Variants in PDE4B observed in about 807,000 individuals in gnomAD.
PDE4B encodes 3',5'-cyclic-AMP phosphodiesterase 4B.
Under a neutral mutation model 82.2 loss-of-function variants are expected in PDE4B, and 20 were observed. The observed-to-expected ratio is 0.24, with a 90% CI of 0.17 to 0.35. The LOEUF (loss-of-function observed/expected upper bound fraction) is 0.35, where lower values mean the gene tolerates loss of function less well. PDE4B is among the 10% of genes least tolerant of loss of function. The pLI is 1.00. For missense variants in PDE4B, 655 were observed against 907.2 expected (o/e 0.72, Z 3.57); for synonymous variants, 320 against 318.9 (o/e 1.00, Z -0.04).
chr1:66,150,507 C>A (rs996461334), intron 3 of PDE4B, among the ~76,000 whole-genome samples: 1 of 152,166 alleles, frequency 6.6e-6, no homozygotes, highest in Non-Finnish European at 1.5e-5. Flanking sequence ...CTCTTCCTTT[C>A]CAACGATAAT....
intron 3 of PDE4B, among the ~76,000 whole-genome samples, chr1:66,017,605 T>C (rs1210012182): frequency 6.6e-6 from 1 of 152,202 alleles, no homozygotes; most frequent in Non-Finnish European, 1.5e-5. Context: ...AGCAAAATGT[T>C]TCCCACATGT....
chr1:66,327,038 T>G (rs1659794667), intron 7 of PDE4B, among the ~76,000 whole-genome samples: 1 of 152,174 alleles, frequency 6.6e-6, no homozygotes, highest in Non-Finnish European at 1.5e-5. Context: ...GGCCACTGAT[T>G]TCATAACTGC....
At chr1:66,352,728 A>G (rs1389580483) in intron 8 of PDE4B, among the ~76,000 whole-genome samples, 2 of 151,458 alleles carry the variant, frequency 1.3e-5, no homozygotes, top group Non-Finnish European at 2.9e-5. Context: ...TTTTTTTTTC[A>G]CTGCTATATC....
chr1:66,076,377 A>G (rs1656438767), intron 3 of PDE4B, among the ~76,000 whole-genome samples: 1 of 152,178 alleles, frequency 6.6e-6, no homozygotes, highest in African/African-American at 2.4e-5. Context: ...TGATGGCTGC[A>G]TAATTTTCCA....
rs190064199 is a variant in PDE4B at position 66,109,712 on chromosome 1, G to A, written c.282-137748G>A. Among the ~76,000 whole-genome samples, 270 of 151,626 alleles carry A rather than the reference G, an allele frequency of 1.8e-3. 3 individuals are homozygous for A. Among genetic ancestry groups the A allele is most frequent in the East Asian group, 0.01 (54 of 5,172 alleles). Reference sequence around the variant, plus strand: ...ACCTTTTAAATATTATTTTATTTTAGATTTAGGGGATACATGTATATGTTT... The same window carrying A: ...ACCTTTTAAATATTATTTTATTTTAAATTTAGGGGATACATGTATATGTTT... On this transcript the variant is annotated intron_variant, in intron 3 of 16. Transcript: ENST00000341517.
At chr1:66,299,632 C>T (rs1335086592) in intron 7 of PDE4B, among the ~76,000 whole-genome samples, 3 of 152,162 alleles carry the variant, frequency 2.0e-5, no homozygotes, top group African/African-American at 4.8e-5. Context: ...GTTGCAAAAC[C>T]TCCATACCGT....
intron 7 of PDE4B, among the ~76,000 whole-genome samples, chr1:66,273,846 A>G (rs899897657): frequency 6.6e-6 from 1 of 152,248 alleles, no homozygotes; most frequent in Non-Finnish European, 1.5e-5. Context: ...GCTTACTGAA[A>G]TATCTGCTAG....
intron 7 of PDE4B, among the ~76,000 whole-genome samples, chr1:66,294,634 G>GT (rs1193846366): frequency 1.3e-5 from 2 of 151,918 alleles, no homozygotes; most frequent in Non-Finnish European, 2.9e-5. Context: ...TAAATCTTAA[G>GT]TTTTTTTCTT....
rs367782903 is a variant in PDE4B, at chr1:65,918,833, G to T, written c.279G>T (p.Glu93Asp). Residue 93 changes from glutamate (E) to aspartate (D), a missense_variant and splice_region_variant, in exon 3 of 17, where the codon GAG (glutamate) becomes GAT (aspartate). Transcript: ENST00000341517. ...TTGCTATTACAACTGTAAGCCAGGA[G>T]TGGTGAGTAGCCTCAAAATCAAATG... ...PSIAITTVSQ[E>D]CFDVENGPSP... The T allele has an allele frequency of 3.2e-6, 5 of 1,554,258 alleles. No individual in the cohort carries two copies. The Admixed American group carries it at 6.7e-5, about 21-fold the overall frequency.
intron 3 of PDE4B, among the ~76,000 whole-genome samples, chr1:65,960,212 G>C (rs1649477894): frequency 6.6e-6 from 1 of 152,206 alleles, no homozygotes; most frequent in East Asian, 1.9e-4. Flanking sequence ...CACTGTATCA[G>C]TGCATCGGTG....
chr1:65,830,814 T>C (rs1646073943), intron 1 of PDE4B, among the ~76,000 whole-genome samples: 1 of 152,114 alleles, frequency 6.6e-6, no homozygotes, highest in South Asian at 2.1e-4. Flanking sequence ...GCTTAGTTAA[T>C]AGTAATGTAT....
chr1:66,293,403 C>G (rs1327702926), intron 7 of PDE4B, among the ~76,000 whole-genome samples: 2 of 152,014 alleles, frequency 1.3e-5, no homozygotes, highest in African/African-American at 2.4e-5. Context: ...CTTTTTTTGG[C>G]TCATTCCTTT....
At chr1:66,207,803 A>G (rs1451045872) in intron 3 of PDE4B, among the ~76,000 whole-genome samples, 1 of 152,206 alleles carries the variant, frequency 6.6e-6, no homozygotes, top group African/African-American at 2.4e-5. Context: ...TTCCTCCTGG[A>G]TGGATCTTCT....
intron 7 of PDE4B, chr1:66,267,631 T>TA (rs1655151175): frequency 6.6e-6 from 1 of 152,188 alleles, no homozygotes; most frequent in African/African-American, 2.4e-5. Flanking sequence ...ATTCTTTTGA[T>TA]AAAGTCTTCT....
Position 66,268,024 on chromosome 1 carries a change from G to T in PDE4B, c.634+1937G>T, listed in dbSNP as rs13376041. On this transcript the variant is annotated intron_variant, in intron 7 of 16. Transcript: ENST00000341517. ...AAAATATGATTTTTCATGATAGTAA[G>T]ATCAGGTTTTTATTTCTCAGTACTG... Among the ~76,000 whole-genome samples the T allele has an allele frequency of 3.1e-3, 477 of 152,296 alleles. 1 individual carries two copies. Among genetic ancestry groups the T allele is most frequent in the African/African-American group, 0.011 (455 of 41,558 alleles).
chr1:66,372,689 C>T lies in PDE4B; in HGVS notation c.*11C>T, dbSNP rs2050827870. On this transcript the variant is annotated 3_prime_UTR_variant, in exon 17 of 17. Coordinates refer to ENST00000341517, the MANE Select transcript of PDE4B (RefSeq NM_002600.4). ...CCCGTGGATACATAATCCCCCTCTC[C>T]CTGTGGAGATGAACATTCTATCCTT... is the stretch of plus-strand genomic sequence containing the variant. 6.2e-7 allele frequency: 1 copy of T among 1,601,168 alleles called. No individual in the cohort carries two copies. Among genetic ancestry groups the T allele is most frequent in the African/African-American group, 1.3e-5 (1 of 74,690 alleles).
chr1:66,213,526 A>G (rs768931471), intron 3 of PDE4B, among the ~76,000 whole-genome samples: 37 of 152,192 alleles, frequency 2.4e-4, no homozygotes, highest in Admixed American at 7.9e-4. Flanking sequence ...GCAAAATCGT[A>G]GGCTACATAG....
chr1:66,111,453 ATT>A (rs1416323081), intron 3 of PDE4B, among the ~76,000 whole-genome samples: 3 of 152,022 alleles, frequency 2.0e-5, no homozygotes, highest in Non-Finnish European at 4.4e-5. Flanking sequence ...GGCAACCACC[ATT>A]CTACGTTTTG....
chr1:65,866,360 T>C (rs373660998), intron 1 of PDE4B, among the ~76,000 whole-genome samples: 5 of 152,100 alleles, frequency 3.3e-5, no homozygotes, highest in Non-Finnish European at 7.4e-5. Flanking sequence ...AGGAGAAAAT[T>C]TGAGGCAGCA....
Sources: allele counts gnomAD v4.1 joint callset (sites outside exome capture counted in the v4.1 genomes callset), GRCh38; gene constraint gnomAD v4.1.1; transcripts MANE v1.5; gene names NCBI Gene and HGNC (gene_info 2026-07-23, HGNC 2026-07-21).